The following ROBO1 variants were observed in gnomAD, a reference collection of about 807,000 sequenced individuals.
The protein encoded by ROBO1 is roundabout guidance receptor 1, also known as roundabout homolog 1.
In ROBO1, 149 loss-of-function variants were observed where a neutral mutation model predicts 195.9. The ratio of observed to expected loss-of-function variants is 0.76; its 90% CI spans 0.67 to 0.87. ROBO1 has a LOEUF of 0.87. ROBO1 is among the 40% of genes least tolerant of loss of function. The pLI is 0.00. For missense variants in ROBO1, 1,933 were observed against 2,068.3 expected, an observed-to-expected ratio of 0.93 and a Z score of 1.27; for synonymous variants, 816 against 733.2, an observed-to-expected ratio of 1.11 and a Z score of -1.82.
intron 4 of ROBO1, among the ~76,000 whole-genome samples, chr3:78,871,719 T>C (rs2035557683): frequency 7.0e-6 from 1 of 143,348 alleles, no homozygotes; most frequent in African/African-American, 2.6e-5. Context: ...AAAGACATTA[T>C]TTGCATTTAT....
chr3:78,882,152 T>G (rs1037454476), intron 4 of ROBO1, among the ~76,000 whole-genome samples: 1 of 152,154 alleles, frequency 6.6e-6, no homozygotes, highest in African/African-American at 2.4e-5. Flanking sequence ...AACAGTTTTA[T>G]ATATTTAAAA....
At position 79,051,677 on chromosome 3, in the gene ROBO1, A is replaced by G. The variant is rs375425238; in HGVS notation, c.172+73779T>C. Among the ~76,000 whole-genome samples the G allele has an allele frequency of 5.8e-4, 89 of 152,312 alleles. 1 individual carries two copies. The highest frequency in any genetic ancestry group is 2.1e-3 in the African/African-American group (86 of 41,586). ...TCCTCATAAAATGTTGCGGGAAGTC[A>G]GGGACCCTGAATGGAGGGACCAGCT... is the stretch of plus-strand genomic sequence containing the variant. On this transcript the variant is annotated intron_variant, in intron 3 of 30. Transcript: ENST00000464233.
At chr3:79,433,989 G>A (rs373264505) in intron 2 of ROBO1, among the ~76,000 whole-genome samples, 3 of 152,126 alleles carry the variant, frequency 2.0e-5, no homozygotes, top group African/African-American at 4.8e-5. Context: ...TTAATAAATC[G>A]TGCTGGGAAA....
At position 78,913,459 on chromosome 3, in the gene ROBO1, C is replaced by G. The variant is rs376457393; in HGVS notation, c.499+25142G>C. On this transcript the variant is annotated intron_variant, in intron 4 of 30. Coordinates refer to ENST00000464233, the MANE Select transcript of ROBO1 (RefSeq NM_002941.4). ...TAAATTAATCCAAAAGATTAATAAT[C>G]TAGAGCAATGAGAAATCATTTATTT... Among the ~76,000 whole-genome samples, 3 of 151,840 alleles carry G rather than the reference C, an allele frequency of 2.0e-5. No individual in the cohort carries two copies. The South Asian group carries it at 6.2e-4, about 32-fold the overall frequency.
At chr3:79,057,380 G>T (rs551102770) in intron 3 of ROBO1, among the ~76,000 whole-genome samples, 16 of 151,998 alleles carry the variant, frequency 1.1e-4, no homozygotes, top group Non-Finnish European at 1.8e-4. Flanking sequence ...GCCCACTAGA[G>T]ACTCAAGCTT....
intron 2 of ROBO1, among the ~76,000 whole-genome samples, chr3:79,361,798 T>A (rs1410632526): frequency 1.3e-5 from 2 of 152,112 alleles, no homozygotes; most frequent in East Asian, 3.9e-4. Flanking sequence ...CTTACTTTTT[T>A]ATTCAATGTA....
At chr3:79,135,109 A>C (rs949657465) in intron 2 of ROBO1, among the ~76,000 whole-genome samples, 1 of 152,174 alleles carries the variant, frequency 6.6e-6, no homozygotes, top group African/African-American at 2.4e-5. Context: ...CTTATTAAAC[A>C]TAGTCATCAT....
chr3:79,592,442 G>C (rs959052942), intron 1 of ROBO1, among the ~76,000 whole-genome samples: 3 of 151,924 alleles, frequency 2.0e-5, no homozygotes, highest in Non-Finnish European at 2.9e-5. Context: ...TTTTAAGGTA[G>C]TACCCAGAAA....
intron 2 of ROBO1, among the ~76,000 whole-genome samples, chr3:79,585,772 G>A (rs1210913328): frequency 6.6e-6 from 1 of 151,808 alleles, no homozygotes; most frequent in Admixed American, 6.6e-5. Flanking sequence ...TTCTGCCATG[G>A]GCCCTGGGAA....
intron 2 of ROBO1, among the ~76,000 whole-genome samples, chr3:79,166,559 TC>T (rs1467174312): frequency 1.4e-5 from 2 of 146,566 alleles, no homozygotes; most frequent in African/African-American, 2.6e-5. Context: ...TTTCTATTTT[TC>T]TTTTTTTTTT....
chr3:79,413,919 T>G (rs1443207549), intron 2 of ROBO1, among the ~76,000 whole-genome samples: 1 of 152,096 alleles, frequency 6.6e-6, no homozygotes, highest in Non-Finnish European at 1.5e-5. Flanking sequence ...TTTTTATTTT[T>G]CTTCATTCCT....
chr3:78,666,286 T>C (rs1255499868), intron 14 of ROBO1, among the ~76,000 whole-genome samples: 1 of 152,242 alleles, frequency 6.6e-6, no homozygotes, highest in Non-Finnish European at 1.5e-5. Context: ...GACTAATACA[T>C]TGTTCCACTA....
intron 4 of ROBO1, among the ~76,000 whole-genome samples, chr3:78,849,344 G>A (rs754483497): frequency 4.7e-4 from 71 of 151,882 alleles, no homozygotes; most frequent in Middle Eastern, 3.2e-3. Flanking sequence ...CAGAAACCTC[G>A]GTATTTTGGA....
chr3:78,873,489 C>T lies in ROBO1; in HGVS notation c.499+65112G>A, dbSNP rs140530849. The stretch of plus-strand genomic sequence containing the variant: ...TTTTTCCAGAGTGATAGTGTATGAA[C>T]GTGTTTAATTACTTGTCATGTGCTT... On this transcript the variant is annotated intron_variant, in intron 4 of 30. Transcript: ENST00000464233. 6.1e-4 allele frequency among the ~76,000 whole-genome samples: 93 copies of T among 152,110 alleles called. No individual in the cohort carries two copies. The East Asian group carries it at 7.2e-3, about 12-fold the overall frequency.
chr3:79,414,198 T>TC, intron 2 of ROBO1, among the ~76,000 whole-genome samples: 1 of 151,526 alleles, frequency 6.6e-6, no homozygotes, highest in Admixed American at 6.6e-5. Flanking sequence ...TCTCTCTCTC[T>TC]TTCTCTCTCT....
chr3:79,734,475 A>T (rs1703295068), intron 1 of ROBO1, among the ~76,000 whole-genome samples: 1 of 152,170 alleles, frequency 6.6e-6, no homozygotes, highest in Admixed American at 6.5e-5. Context: ...CCATTCCAAC[A>T]CTAAAACTGT....
intron 2 of ROBO1, among the ~76,000 whole-genome samples, chr3:79,568,989 G>C (rs1336387513): frequency 6.6e-6 from 1 of 152,062 alleles, no homozygotes; most frequent in Non-Finnish European, 1.5e-5. Flanking sequence ...GAGGAAATAA[G>C]TTAGCCACAT....
intron 4 of ROBO1, among the ~76,000 whole-genome samples, chr3:78,797,240 A>G (rs2084212102): frequency 6.6e-6 from 1 of 152,194 alleles, no homozygotes; most frequent in South Asian, 2.1e-4. Context: ...GGACATTGTC[A>G]TTGTTCATTG....
At chr3:79,318,695 T>A (rs1206921251) in intron 2 of ROBO1, among the ~76,000 whole-genome samples, 2 of 152,190 alleles carry the variant, frequency 1.3e-5, no homozygotes, top group Non-Finnish European at 2.9e-5. Context: ...AGCGATGCAT[T>A]TCATTGTTTT....
Sources: allele counts gnomAD v4.1 joint callset (sites outside exome capture counted in the v4.1 genomes callset), GRCh38; gene constraint gnomAD v4.1.1; transcripts MANE v1.5; gene names NCBI Gene and HGNC (gene_info 2026-07-23, HGNC 2026-07-21).